CBLB: variants seen among roughly 807,000 people sequenced by gnomAD.
CBLB encodes E3 ubiquitin-protein ligase CBL-B.
In CBLB, 31 loss-of-function variants were observed where a neutral mutation model predicts 104.9. The observed-to-expected ratio is 0.30, with a 90% CI of 0.22 to 0.40. The LOEUF (loss-of-function observed/expected upper bound fraction) is 0.40. Ranked by LOEUF, CBLB falls within the 10% of genes least tolerant of loss-of-function variation. CBLB has a pLI of 1.00. For missense variants in CBLB, 1,062 were observed against 1,214.6 expected (o/e 0.87, Z 1.87); for synonymous variants, 440 against 422.6 (o/e 1.04, Z -0.51).
intron 4 of CBLB, 101 bp from the exon 5 acceptor site, chr3:105,751,719 G>T: frequency 2.4e-6 from 2 of 843,910 alleles, no homozygotes; most frequent in Non-Finnish European, 4.0e-6. Flanking sequence ...TAATATAATT[G>T]TATTTGTACT....
intron 3 of CBLB, among the ~76,000 whole-genome samples, chr3:105,836,627 T>C (rs908942132): frequency 5.3e-5 from 8 of 152,218 alleles, no homozygotes; most frequent in Admixed American, 4.6e-4. Flanking sequence ...ATAGGGCAAA[T>C]ATGACGGTTT....
chr3:105,868,944 C>G lies in CBLB; in HGVS notation c.-223G>C. ...ACAAATCCACACCCGCTCTCCCCTC[C>G]CGCCCGACTCGGGGAGGCCGCGGGA... On this transcript the variant is annotated 5_prime_UTR_variant, in exon 1 of 19. Transcript: ENST00000394030. 2 of 1,025,650 alleles carry G rather than the reference C, an allele frequency of 1.9e-6. No individual in the cohort carries two copies. Among genetic ancestry groups the G allele is most frequent in the Non-Finnish European group, 1.2e-6 (1 of 855,930 alleles). The allele number at this position is 1,025,650 out of a possible 1,614,324, so 63.5% of individuals were successfully genotyped here.
chr3:105,739,038 G>A (rs1189676513), intron 7 of CBLB, among the ~76,000 whole-genome samples: 1 of 152,098 alleles, frequency 6.6e-6, no homozygotes, highest in Non-Finnish European at 1.5e-5. Context: ...CTCCAGAGTA[G>A]CGAGGACTAC....
chr3:105,682,690 G>T (rs1351465094), intron 14 of CBLB, among the ~76,000 whole-genome samples: 1 of 151,976 alleles, frequency 6.6e-6, no homozygotes, highest in South Asian at 2.1e-4. Flanking sequence ...TTATTTTTTA[G>T]TAGGGTTTTG....
At chr3:105,799,640 C>T (rs769121083) in intron 3 of CBLB, among the ~76,000 whole-genome samples, 7 of 152,066 alleles carry the variant, frequency 4.6e-5, no homozygotes, top group East Asian at 1.9e-4. Context: ...ATAATATTCA[C>T]CCTATAACCC....
At chr3:105,691,866 A>G (rs1470415086) in intron 13 of CBLB, among the ~76,000 whole-genome samples, 5 of 152,078 alleles carry the variant, frequency 3.3e-5, no homozygotes, top group African/African-American at 4.8e-5. Flanking sequence ...GCCTTTCCCA[A>G]TTGTGCCTGT....
chr3:105,789,500 AATT>A (rs1405124062), intron 3 of CBLB, among the ~76,000 whole-genome samples: 1 of 152,186 alleles, frequency 6.6e-6, no homozygotes, highest in Non-Finnish European at 1.5e-5. Context: ...AATTTACTGC[AATT>A]AATTCCCAAA....
intron 13 of CBLB, among the ~76,000 whole-genome samples, chr3:105,688,659 G>A (rs2067297328): frequency 6.6e-6 from 1 of 151,436 alleles, no homozygotes; most frequent in South Asian, 2.1e-4. Flanking sequence ...ATCCTAACAG[G>A]GAAAAATGTC....
intron 9 of CBLB, among the ~76,000 whole-genome samples, chr3:105,726,080 C>T (rs1418990248): frequency 5.9e-5 from 9 of 152,150 alleles, no homozygotes. Context: ...AACTGCTGAC[C>T]TCATGTGATC....
At chr3:105,717,910 T>C (rs2072153722) in intron 10 of CBLB, among the ~76,000 whole-genome samples, 1 of 152,204 alleles carries the variant, frequency 6.6e-6, no homozygotes, top group Non-Finnish European at 1.5e-5. Context: ...TCTAGGTTCT[T>C]AGGTCCTTGA....
chr3:105,842,811 T>C (rs1164950844), intron 3 of CBLB, among the ~76,000 whole-genome samples: 1 of 152,254 alleles, frequency 6.6e-6, no homozygotes, highest in Admixed American at 6.5e-5. Context: ...AGCCTGGGTC[T>C]CTGACAGCAT....
chr3:105,796,946 T>C (rs1478794942), intron 3 of CBLB, among the ~76,000 whole-genome samples: 2 of 152,074 alleles, frequency 1.3e-5, no homozygotes, highest in African/African-American at 4.8e-5. Context: ...GAAGGGAATC[T>C]TATACACTGC....
intron 13 of CBLB, among the ~76,000 whole-genome samples, chr3:105,692,260 T>C (rs990251602): frequency 3.0e-4 from 45 of 152,224 alleles, no homozygotes; most frequent in Non-Finnish European, 5.9e-5. Context: ...ACTTAGTATA[T>C]ATCAAATACA....
chr3:105,665,416 A>ATATATAT (rs2064298989), intron 18 of CBLB, among the ~76,000 whole-genome samples: 5 of 98,652 alleles, frequency 5.1e-5, no homozygotes, highest in South Asian at 7.3e-4. Context: ...TAAATAAATA[A>ATATATAT]ATATATATAT....
At chr3:105,772,319 A>G (rs1577059731) in intron 4 of CBLB, among the ~76,000 whole-genome samples, 1 of 152,212 alleles carries the variant, frequency 6.6e-6, no homozygotes, top group South Asian at 2.1e-4. Flanking sequence ...GGCAGGCCAC[A>G]TGTAGAAGAA....
intron 12 of CBLB, among the ~76,000 whole-genome samples, chr3:105,696,196 G>C (rs1334409992): frequency 1.3e-5 from 2 of 151,570 alleles, no homozygotes; most frequent in Non-Finnish European, 3.0e-5. Flanking sequence ...ACTTGGAATA[G>C]AACTGTATAG....
At chr3:105,779,140 T>C (rs1326091673) in intron 3 of CBLB, among the ~76,000 whole-genome samples, 1 of 152,230 alleles carries the variant, frequency 6.6e-6, no homozygotes, top group African/African-American at 2.4e-5. Flanking sequence ...CTTTGTCCTT[T>C]AATCATATCC....
At chr3:105,758,094 C>T (rs1473755113) in intron 4 of CBLB, among the ~76,000 whole-genome samples, 4 of 152,106 alleles carry the variant, frequency 2.6e-5, no homozygotes, top group Non-Finnish European at 5.9e-5. Flanking sequence ...TTAAATCCAA[C>T]CTTCTTTTAT....
intron 18 of CBLB, 78 bp from the exon 19 acceptor site, chr3:105,659,307 T>C: frequency 7.5e-7 from 1 of 1,327,446 alleles, no homozygotes; most frequent in South Asian, 1.2e-5. Flanking sequence ...CAGCATTATC[T>C]CATTTCCTAT....
Sources: gnomAD v4.1 joint callset for allele counts (sites outside exome capture counted in the v4.1 genomes callset) on GRCh38, gnomAD v4.1.1 for gene constraint, MANE v1.5 for transcripts, NCBI Gene and HGNC (gene_info 2026-07-23, HGNC 2026-07-21) for gene names.